The following ATF2 variants were observed in gnomAD, a reference collection of about 807,000 sequenced individuals.
The protein encoded by ATF2 is cyclic AMP-dependent transcription factor ATF-2.
Under a neutral mutation model 60.6 loss-of-function variants are expected in ATF2, and 24 were observed. The observed-to-expected ratio is 0.40, with a 90% CI of 0.29 to 0.56. ATF2 has a LOEUF of 0.56. Among genes scored for constraint, ATF2 ranks in the 20% least tolerant of loss-of-function variants. The probability of loss-of-function intolerance (pLI) is 0.54; values close to 1 mark genes in which losing one functional copy is unlikely to be tolerated. For missense variants in ATF2, 433 were observed against 607.7 expected, an observed-to-expected ratio of 0.71 and a Z score of 3.02; for synonymous variants, 206 against 215.4, an observed-to-expected ratio of 0.96 and a Z score of 0.38.
At chr2:175,154,292 G>C (rs1489859407) in intron 1 of ATF2, among the ~76,000 whole-genome samples, 1 of 150,574 alleles carries the variant, frequency 6.6e-6, no homozygotes, top group Non-Finnish European at 1.5e-5. Flanking sequence ...CTAACACACA[G>C]ATACACACAT....
In ATF2 at chr2:175,093,010, T is replaced by C; in HGVS notation, c.1185+51A>G. 3 of 1,579,096 alleles carry C rather than the reference T, an allele frequency of 1.9e-6. No homozygotes were observed. The South Asian group carries it at 3.5e-5, about 19-fold the overall frequency. ...CAACTAGGAAAAAAAAAATCTATGT[T>C]CACAATTATTAAAAAAGAAATAAAA... On this transcript the variant is annotated intron_variant, in intron 12 of 13. Coordinates refer to ENST00000264110, the MANE Select transcript of ATF2 (RefSeq NM_001880.4).
chr2:175,099,109 T>C (rs899782659), intron 10 of ATF2, among the ~76,000 whole-genome samples: 1 of 150,668 alleles, frequency 6.6e-6, no homozygotes, highest in Non-Finnish European at 1.5e-5. Flanking sequence ...TTTCTTTTTT[T>C]TTTTTTTTTT....
intron 11 of ATF2, among the ~76,000 whole-genome samples, chr2:175,095,654 C>T (rs951475183): frequency 6.6e-6 from 1 of 152,092 alleles, no homozygotes; most frequent in Non-Finnish European, 1.5e-5. Flanking sequence ...TTCAGAAAAT[C>T]CTTATAGGAA....
At chr2:175,158,651 A>C (rs1335653455) in intron 1 of ATF2, among the ~76,000 whole-genome samples, 1 of 152,148 alleles carries the variant, frequency 6.6e-6, no homozygotes, top group Non-Finnish European at 1.5e-5. Context: ...TGGATAATTT[A>C]AAATAAGAGT....
At chr2:175,127,201 T>C (rs1471581236) in intron 4 of ATF2, 1 of 150,206 alleles carries the variant, frequency 6.7e-6, no homozygotes, top group African/African-American at 2.5e-5. Flanking sequence ...ATCATGCTAC[T>C]GCACTCCAGC....
intron 2 of ATF2, among the ~76,000 whole-genome samples, chr2:175,143,313 G>A (rs564991793): frequency 6.6e-6 from 1 of 151,862 alleles, no homozygotes; most frequent in South Asian, 2.1e-4. Flanking sequence ...TATATAAATA[G>A]TATTACAACT....
chr2:175,167,820 C>T (rs1300145050), intron 1 of ATF2: 4 of 434,856 alleles, frequency 9.2e-6, no homozygotes, highest in Admixed American at 2.4e-5. Context: ...ACGCTGGTTA[C>T]CTAACGGTCC....
At chr2:175,096,024 A>G (rs1228172355) in intron 11 of ATF2, among the ~76,000 whole-genome samples, 2 of 152,172 alleles carry the variant, frequency 1.3e-5, no homozygotes, top group East Asian at 3.8e-4. Flanking sequence ...CCACAACTAC[A>G]TTTCATTATA....
chr2:175,098,535 G>C (rs186934724), intron 10 of ATF2, among the ~76,000 whole-genome samples: 5 of 152,140 alleles, frequency 3.3e-5, no homozygotes, highest in African/African-American at 1.2e-4. Context: ...GAGTGAGAGC[G>C]AGTGCAACTG....
intron 13 of ATF2, among the ~76,000 whole-genome samples, chr2:175,078,957 T>C (rs1321547162): frequency 6.6e-6 from 1 of 152,144 alleles, no homozygotes; most frequent in Admixed American, 6.6e-5. Flanking sequence ...ATTATCTACA[T>C]GACTAGACAG....
chr2:175,102,164 C>A (rs761604222), intron 10 of ATF2, among the ~76,000 whole-genome samples: 1 of 152,030 alleles, frequency 6.6e-6, no homozygotes. Context: ...GTCAATTAGT[C>A]CAATCACCAT....
At position 175,099,895 on chromosome 2, in the gene ATF2, G is replaced by C. The variant is rs536603890; in HGVS notation, c.829-2302C>G. Among the ~76,000 whole-genome samples the C allele has an allele frequency of 4.6e-5, 7 of 152,336 alleles. No individual in the cohort carries two copies. The South Asian group carries it at 1.2e-3, about 27-fold the overall frequency. On this transcript the variant is annotated intron_variant, in intron 10 of 13. Transcript: ENST00000264110. Reference sequence around the variant, plus strand: ...AAACACAGGGAAAACTCAAGACAGAGAGTCTGAAACTTTGTGGCTTAATGA... The same window carrying C: ...AAACACAGGGAAAACTCAAGACAGACAGTCTGAAACTTTGTGGCTTAATGA...
rs748103537 is a variant in ATF2, at chr2:175,154,225, GA to G, written c.-142-3068del. ...GCGAAACTCCATCTCAAAAAGAAAA[GA>G]AAAAAAAAATATATATATATATATA... On this transcript the variant is annotated intron_variant, in intron 1 of 13. Transcript: ENST00000264110. Among the ~76,000 whole-genome samples the G allele has an allele frequency of 1.1e-3, 159 of 141,618 alleles. 1 individual carries two copies. The highest frequency in any genetic ancestry group is 4.3e-3 in the East Asian group (21 of 4,922). 92.9% of individuals were successfully genotyped at this position (141,618 alleles called of 152,430 possible). A position where few individuals can be genotyped will look rare whatever the true frequency, so the allele number is the denominator to read the frequency against.
At chr2:175,111,926 G>C (rs1288762794) in intron 9 of ATF2, among the ~76,000 whole-genome samples, 3 of 152,078 alleles carry the variant, frequency 2.0e-5, no homozygotes, top group Non-Finnish European at 4.4e-5. Context: ...AATATTCAAA[G>C]TGATTAATGC....
At chr2:175,077,230 C>T (rs1280051573) in intron 13 of ATF2, among the ~76,000 whole-genome samples, 12 of 152,076 alleles carry the variant, frequency 7.9e-5, no homozygotes. Flanking sequence ...CAAGTGTTTG[C>T]TATTGTGAAT....
At chr2:175,096,497 T>G (rs1440543883) in intron 11 of ATF2, among the ~76,000 whole-genome samples, 1 of 152,176 alleles carries the variant, frequency 6.6e-6, no homozygotes, top group Non-Finnish European at 1.5e-5. Flanking sequence ...ATAAGGTTAC[T>G]TATACAAATA....
intron 5 of ATF2, 35 bp from the exon 6 acceptor site, chr2:175,118,404 T>A: frequency 1.3e-6 from 2 of 1,534,338 alleles, no homozygotes; most frequent in Non-Finnish European, 1.8e-6. Context: ...CATGCATATT[T>A]AAATATGTTA....
chr2:175,144,038 C>T (rs1239408250), intron 2 of ATF2, among the ~76,000 whole-genome samples: 1 of 152,162 alleles, frequency 6.6e-6, no homozygotes, highest in African/African-American at 2.4e-5. Context: ...AAGCCATCCT[C>T]CTGCCTCAGC....
intron 12 of ATF2, among the ~76,000 whole-genome samples, chr2:175,085,851 G>A (rs539988912): frequency 1.3e-5 from 2 of 151,884 alleles, no homozygotes; most frequent in East Asian, 3.9e-4. Flanking sequence ...ATTAACTTGG[G>A]GAAACAATGG....
Sources: allele counts gnomAD v4.1 joint callset (sites outside exome capture counted in the v4.1 genomes callset), GRCh38; gene constraint gnomAD v4.1.1; transcripts MANE v1.5; gene names NCBI Gene and HGNC (gene_info 2026-07-23, HGNC 2026-07-21).